The following AKR1B15 variants were observed in gnomAD, a reference collection of about 807,000 sequenced individuals.
AKR1B15 encodes the protein aldo-keto reductase family 1 member B15, also known as estradiol 17-beta-dehydrogenase AKR1B15.
In AKR1B15, 49 loss-of-function variants were observed where a neutral mutation model predicts 38.5. The ratio of observed to expected loss-of-function variants is 1.27; its 90% confidence interval spans 1.01 to 1.62. AKR1B15 has a LOEUF of 1.62. Among genes scored for constraint, AKR1B15 ranks in the 40% most tolerant of loss-of-function variants. The pLI is 0.00. For missense variants in AKR1B15, 411 were observed against 381.6 expected, an observed-to-expected ratio of 1.08 and a Z score of -0.64; for synonymous variants, 137 against 135.5, an observed-to-expected ratio of 1.01 and a Z score of -0.08.
intron 2 of AKR1B15, among the ~76,000 whole-genome samples, chr7:134,559,575 A>G (rs1794320681): frequency 6.6e-6 from 1 of 152,206 alleles, no homozygotes; most frequent in Non-Finnish European, 1.5e-5. Flanking sequence ...TTCTTAGAGA[A>G]ATGAATGTGA....
intron 3 of AKR1B15, among the ~76,000 whole-genome samples, chr7:134,567,603 G>A (rs1794568503): frequency 6.6e-6 from 1 of 152,062 alleles, no homozygotes; most frequent in Admixed American, 6.6e-5. Context: ...CACCTGCTTA[G>A]ACCCACACAC....
chr7:134,553,752 G>T (rs1360622342), intron 1 of AKR1B15, among the ~76,000 whole-genome samples: 2 of 152,184 alleles, frequency 1.3e-5, no homozygotes, highest in East Asian at 1.9e-4. Context: ...TACCACACCT[G>T]TCCATGACTG....
intron 2 of AKR1B15, among the ~76,000 whole-genome samples, chr7:134,561,582 T>C (rs1429292366): frequency 6.6e-6 from 1 of 152,212 alleles, no homozygotes; most frequent in Admixed American, 6.5e-5. Flanking sequence ...CACTCATAGG[T>C]GCAAAATATC....
intron 6 of AKR1B15, among the ~76,000 whole-genome samples, chr7:134,572,637 A>G (rs924707052): frequency 4.2e-4 from 61 of 146,392 alleles, no homozygotes; most frequent in Non-Finnish European, 1.3e-4. Flanking sequence ...TGAAGAAAAA[A>G]AAAAAAAAGA....
intron 1 of AKR1B15, among the ~76,000 whole-genome samples, chr7:134,553,218 T>C (rs934897771): frequency 1.1e-4 from 17 of 152,180 alleles, no homozygotes; most frequent in South Asian, 6.2e-4. Flanking sequence ...CCTATAGATA[T>C]TGGGGTTCAT....
chr7:134,557,126 A>C (rs778082894), intron 2 of AKR1B15, among the ~76,000 whole-genome samples: 2 of 152,180 alleles, frequency 1.3e-5, no homozygotes, highest in Non-Finnish European at 2.9e-5. Context: ...TCATTCCTGG[A>C]GTACCAAAGT....
intron 2 of AKR1B15, among the ~76,000 whole-genome samples, chr7:134,557,525 G>A (rs768482046): frequency 6.6e-6 from 1 of 152,068 alleles, no homozygotes; most frequent in Non-Finnish European, 1.5e-5. Context: ...CCAAGAATGC[G>A]CTTACTGATA....
At chr7:134,562,864 TTCTTTCTTTCTTTCTTTC>T (rs1391680389) in intron 2 of AKR1B15, among the ~76,000 whole-genome samples, 2 of 146,464 alleles carry the variant, frequency 1.4e-5, no homozygotes, top group Admixed American at 6.8e-5. Context: ...CTTTCTTTCT[TTCTTTCTTTCTTTCTTTC>T]TTTCTTTCCT....
At chr7:134,567,674 G>A (rs534033034) in intron 3 of AKR1B15, among the ~76,000 whole-genome samples, 40 of 152,218 alleles carry the variant, frequency 2.6e-4, no homozygotes, top group Non-Finnish European at 3.5e-4. Flanking sequence ...CCTTATCACC[G>A]TTTGGGGAAA....
chr7:134,564,756 G>T lies in AKR1B15; in HGVS notation c.137G>T (p.Arg46Leu), dbSNP rs747009279. The T allele has an allele frequency of 4.4e-6, 3 of 681,746 alleles. No homozygotes were observed. The highest frequency in any genetic ancestry group is 5.3e-6 in the Non-Finnish European group (2 of 376,036). 42.2% of individuals were successfully genotyped at this position (681,746 alleles called of 1,614,324 possible). The change falls in exon 3 of 12, where the codon CGC becomes CTC. Residue 46 changes from arginine (R) to leucine (L), a missense_variant. Transcript: ENST00000457545. Reference protein sequence around the residue: ...KDTTSAGPLLRPYPASLLGKV... With the variant: ...KDTTSAGPLLLPYPASLLGKV... ...ACTACAAGTGCAGGGCCCCTTCTTC[G>T]CCCCTATCCAGCAGTAAGTGGCTAG...
intron 1 of AKR1B15, among the ~76,000 whole-genome samples, chr7:134,553,118 C>T (rs1794047313): frequency 6.6e-6 from 1 of 152,162 alleles, no homozygotes; most frequent in Non-Finnish European, 1.5e-5. Context: ...GGGCACTCAC[C>T]AGTGCTCGAA....
intron 2 of AKR1B15, among the ~76,000 whole-genome samples, chr7:134,564,171 C>A (rs1481561578): frequency 6.6e-6 from 1 of 152,182 alleles, no homozygotes. Flanking sequence ...GCTATGGGAA[C>A]CGGAATAGCC....
intron 2 of AKR1B15, among the ~76,000 whole-genome samples, chr7:134,557,582 T>C (rs72501600): frequency 0.071 from 10,829 of 151,560 alleles, 645 homozygotes; most frequent in East Asian, 0.31. Flanking sequence ...ACGCACTCGG[T>C]TGACGGTGCC....
At chr7:134,562,878 CTTTCTTTCTTTCCTTCTTT>C (rs1562947104) in intron 2 of AKR1B15, among the ~76,000 whole-genome samples, 8 of 135,182 alleles carry the variant, frequency 5.9e-5, no homozygotes, top group African/African-American at 2.3e-4. Flanking sequence ...TTCTTTCTTT[CTTTCTTTCTTTCCTTCTTT>C]CTTCCTTCCT....
At chr7:134,549,701 G>A (rs1223473045) in intron 1 of AKR1B15, among the ~76,000 whole-genome samples, 2 of 152,198 alleles carry the variant, frequency 1.3e-5, no homozygotes, top group Admixed American at 6.5e-5. Flanking sequence ...GGAGCAGCCA[G>A]GAGGGCATCT....
At chr7:134,575,085 A>C (rs371097979) in intron 6 of AKR1B15, among the ~76,000 whole-genome samples, 122 of 152,294 alleles carry the variant, frequency 8.0e-4, no homozygotes, top group African/African-American at 2.9e-3. Flanking sequence ...ACAAATGTTG[A>C]TTTTTATTTA....
At position 134,568,255 on chromosome 7, in the gene AKR1B15, T is replaced by G. The variant is rs763093453; in HGVS notation, c.248T>G (p.Val83Gly). The change falls in exon 4 of 12, where the codon GTG becomes GGG. Residue 83 changes from valine to glycine, a missense_variant. By Grantham distance (109) the Val-to-Gly change is moderately radical. This residue lies in a region of AKR1B15 where 254 missense variants were observed against 212.4 expected (regional missense o/e 1.20). Coordinates refer to ENST00000457545, the MANE Select transcript of AKR1B15 (RefSeq NM_001080538.3). ...CAYFYENQHE[V>G]GEAIQEKIQE... Reference sequence around the variant, plus strand: ...TATTTCTATGAGAATCAACATGAGGTGGGAGAAGCCATCCAAGAGAAGATC... The same window carrying G: ...TATTTCTATGAGAATCAACATGAGGGGGGAGAAGCCATCCAAGAGAAGATC... 1.2e-6 allele frequency: 2 copies of G among 1,614,040 alleles called. No individual in the cohort carries two copies. The highest frequency in any genetic ancestry group is 4.5e-5 in the East Asian group (2 of 44,864).
intron 3 of AKR1B15, chr7:134,565,473 C>A (rs780450663): frequency 6.2e-7 from 1 of 1,613,274 alleles, no homozygotes; most frequent in Non-Finnish European, 8.5e-7. Context: ...ATCATTTCCG[C>A]ACCAACCATG....
At chr7:134,561,906 C>T (rs183805112) in intron 2 of AKR1B15, among the ~76,000 whole-genome samples, 2 of 152,338 alleles carry the variant, frequency 1.3e-5, no homozygotes, top group Admixed American at 1.3e-4. Flanking sequence ...TGCTTCTCAC[C>T]TCTCCTCCCT....
Sources: allele counts gnomAD v4.1 joint callset (sites outside exome capture counted in the v4.1 genomes callset), GRCh38; gene constraint gnomAD v4.1.1; regional missense constraint gnomAD v4.1.1; transcripts MANE v1.5; gene names NCBI Gene and HGNC (gene_info 2026-07-23, HGNC 2026-07-21).